Variants in TACR3 observed in about 807,000 individuals in gnomAD.
The protein encoded by TACR3 is tachykinin receptor 3, also known as neuromedin-K receptor.
Under a neutral mutation model 35.0 loss-of-function variants are expected in TACR3, and 34 were observed. That is an observed-to-expected ratio of 0.97 (90% CI 0.74 to 1.30). TACR3 has a LOEUF of 1.30. Ranked by LOEUF, TACR3 falls within the 50% of genes most tolerant of loss-of-function variation. The pLI is 0.00. For missense variants in TACR3, 558 were observed against 591.7 expected (o/e 0.94, Z 0.59); for synonymous variants, 233 against 221.1 (o/e 1.05, Z -0.48).
intron 1 of TACR3, among the ~76,000 whole-genome samples, chr4:103,702,103 G>A (rs953719780): frequency 6.6e-6 from 1 of 152,142 alleles, no homozygotes; most frequent in Non-Finnish European, 1.5e-5. Context: ...TACCATCAGA[G>A]TGAATAGGCA....
chr4:103,677,510 G>A (rs1726196301), intron 1 of TACR3, among the ~76,000 whole-genome samples: 1 of 152,148 alleles, frequency 6.6e-6, no homozygotes, highest in Non-Finnish European at 1.5e-5. Context: ...ATATACCACG[G>A]AATACTATGC....
intron 3 of TACR3, among the ~76,000 whole-genome samples, chr4:103,638,116 G>C (rs936025728): frequency 4.9e-4 from 74 of 152,228 alleles, no homozygotes; most frequent in African/African-American, 1.7e-3. Context: ...AACCAAAAGA[G>C]AGCCCACATC....
chr4:103,684,055 T>C (rs1033388792), intron 1 of TACR3, among the ~76,000 whole-genome samples: 3 of 152,098 alleles, frequency 2.0e-5, no homozygotes, highest in Non-Finnish European at 4.4e-5. Context: ...TCTCAGCACA[T>C]TCAAATAGAA....
At chr4:103,659,578 C>A (rs995400185) in intron 1 of TACR3, among the ~76,000 whole-genome samples, 1 of 152,118 alleles carries the variant, frequency 6.6e-6, no homozygotes, top group African/African-American at 2.4e-5. Context: ...TGTTATACCT[C>A]ATATTGAATT....
chr4:103,646,137 C>A (rs775655965), intron 3 of TACR3, among the ~76,000 whole-genome samples: 11 of 151,984 alleles, frequency 7.2e-5, no homozygotes, highest in Non-Finnish European at 1.2e-4. Flanking sequence ...GAGGGCAAAG[C>A]TTTGCAGCAT....
chr4:103,654,316 G>A (rs112390256), intron 3 of TACR3, among the ~76,000 whole-genome samples: 6,846 of 151,628 alleles, frequency 0.045, 177 homozygotes, highest in Non-Finnish European at 0.054. Context: ...AACAACGATA[G>A]ACTGGATTAA....
intron 3 of TACR3, among the ~76,000 whole-genome samples, chr4:103,642,496 G>A (rs994135893): frequency 2.6e-5 from 4 of 151,734 alleles, no homozygotes; most frequent in Non-Finnish European, 1.5e-5. Context: ...ATGAAATCCT[G>A]TCATTTGCAG....
Position 103,669,542 on chromosome 4 carries a change from G to A in TACR3, c.549-11139C>T, listed in dbSNP as rs549304845. Among the ~76,000 whole-genome samples the A allele has an allele frequency of 3.4e-4, 52 of 152,142 alleles. No individual in the cohort carries two copies. The South Asian group carries it at 0.011, about 32-fold the overall frequency. Reference sequence around the variant, plus strand: ...ATTTTTCATAAAAGCTATTTTAACTGAGGTAACATGATATCTCATTGTGGC... The same window carrying A: ...ATTTTTCATAAAAGCTATTTTAACTAAGGTAACATGATATCTCATTGTGGC... On this transcript the variant is annotated intron_variant, in intron 1 of 4. Coordinates refer to ENST00000304883, the MANE Select transcript of TACR3 (RefSeq NM_001059.3).
At chr4:103,716,076 T>G (rs1259474714) in intron 1 of TACR3, among the ~76,000 whole-genome samples, 1 of 152,204 alleles carries the variant, frequency 6.6e-6, no homozygotes, top group Non-Finnish European at 1.5e-5. Flanking sequence ...GTGATTTGAA[T>G]CTTGACTGTA....
At chr4:103,616,408 G>A (rs1239461065) in intron 3 of TACR3, among the ~76,000 whole-genome samples, 2 of 151,902 alleles carry the variant, frequency 1.3e-5, no homozygotes, top group Non-Finnish European at 2.9e-5. Context: ...AGAGTAGCAT[G>A]TATATTTATC....
chr4:103,595,127 A>G (rs1003340047), intron 3 of TACR3, among the ~76,000 whole-genome samples: 3 of 152,200 alleles, frequency 2.0e-5, no homozygotes, highest in African/African-American at 7.2e-5. Context: ...AGCTTGAGCA[A>G]TGATAGATGT....
In TACR3 at chr4:103,704,087, G is replaced by T. The variant is rs903984047; in HGVS notation, c.548+15041C>A. Among the ~76,000 whole-genome samples the T allele has an allele frequency of 1.6e-4, 16 of 97,856 alleles. No homozygotes were observed. In the Admixed American group the frequency reaches 2.4e-3, roughly 15 times the overall value. The allele number at this position is 97,856 out of a possible 152,430, so 64.2% of individuals were successfully genotyped here. The stretch of plus-strand genomic sequence containing the variant: ...CCCCTGCATTCCAGTCTGGGCAACA[G>T]AGTGAAACTCTATCTCACAAAAAAA... On this transcript the variant is annotated intron_variant, in intron 1 of 4. Coordinates refer to ENST00000304883, the MANE Select transcript of TACR3 (RefSeq NM_001059.3).
At chr4:103,657,262 A>G (rs535334739) in intron 2 of TACR3, among the ~76,000 whole-genome samples, 12 of 151,964 alleles carry the variant, frequency 7.9e-5, no homozygotes, top group Admixed American at 1.3e-4. Flanking sequence ...AATCTTAAAT[A>G]TCCTTGCCTT....
At chr4:103,680,315 T>G (rs950328289) in intron 1 of TACR3, among the ~76,000 whole-genome samples, 1 of 151,608 alleles carries the variant, frequency 6.6e-6, no homozygotes, top group African/African-American at 2.4e-5. Flanking sequence ...TGTAGAAATT[T>G]TTATTCTATT....
At chr4:103,607,551 T>C (rs1415896708) in intron 3 of TACR3, among the ~76,000 whole-genome samples, 1 of 152,058 alleles carries the variant, frequency 6.6e-6, no homozygotes, top group Non-Finnish European at 1.5e-5. Context: ...AGGCTGGATG[T>C]TTGGAAAGAA....
intron 3 of TACR3, among the ~76,000 whole-genome samples, chr4:103,645,614 ATTCT>A (rs1430938080): frequency 6.6e-6 from 1 of 152,038 alleles, no homozygotes; most frequent in African/African-American, 2.4e-5. Flanking sequence ...ATCTGAACAA[ATTCT>A]TAATTAAAAG....
chr4:103,634,574 CT>C (rs1725137678), intron 3 of TACR3, among the ~76,000 whole-genome samples: 1 of 152,056 alleles, frequency 6.6e-6, no homozygotes, highest in Admixed American at 6.6e-5. Context: ...CAGTTGTCAT[CT>C]TCATCAGCAT....
chr4:103,625,144 A>G (rs1000873401), intron 3 of TACR3, among the ~76,000 whole-genome samples: 3 of 152,176 alleles, frequency 2.0e-5, no homozygotes, highest in African/African-American at 7.2e-5. Flanking sequence ...GTAAATTTAC[A>G]TTTTTCATTA....
chr4:103,678,881 A>G (rs1726230141), intron 1 of TACR3, among the ~76,000 whole-genome samples: 1 of 151,700 alleles, frequency 6.6e-6, no homozygotes, highest in Non-Finnish European at 1.5e-5. Context: ...TTTGAGGGCC[A>G]TAAGTCTTCT....
Sources: allele counts gnomAD v4.1 joint callset (sites outside exome capture counted in the v4.1 genomes callset), GRCh38; gene constraint gnomAD v4.1.1; transcripts MANE v1.5; gene names NCBI Gene and HGNC (gene_info 2026-07-23, HGNC 2026-07-21).